The following FBXL7 variants were observed in gnomAD, a reference collection of about 807,000 sequenced individuals.
FBXL7 encodes F-box/LRR-repeat protein 7.
Under a neutral mutation model 38.3 loss-of-function variants are expected in FBXL7, and 12 were observed. That is an observed-to-expected ratio of 0.31 (90% confidence interval 0.20 to 0.51). The LOEUF is 0.51. Ranked by LOEUF, FBXL7 falls within the 20% of genes least tolerant of loss-of-function variation. The probability of loss-of-function intolerance (pLI) is 0.98; values close to 1 mark genes in which losing one functional copy is unlikely to be tolerated. For missense variants in FBXL7, 567 were observed against 676.4 expected (o/e 0.84, Z 1.79); for synonymous variants, 297 against 300.9 (o/e 0.99, Z 0.13).
rs567209034 is a variant in FBXL7 at position 15,548,089 on chromosome 5, C to G, written c.37+47376C>G. Among the ~76,000 whole-genome samples the G allele has an allele frequency of 2.0e-5, 3 of 152,256 alleles. No individual in the cohort carries two copies. In the South Asian group the frequency reaches 6.2e-4, roughly 32 times the overall value. Reference sequence around the variant, plus strand: ...AAGGATACTAGAAGCTCTTCTTTTCCTAAATCAACAATAGACTATCTTAGG... The same window carrying G: ...AAGGATACTAGAAGCTCTTCTTTTCGTAAATCAACAATAGACTATCTTAGG... On this transcript the variant is annotated intron_variant, in intron 1 of 3. Transcript: ENST00000504595.
At chr5:15,752,376 G>A (rs1247562863) in intron 2 of FBXL7, among the ~76,000 whole-genome samples, 1 of 152,180 alleles carries the variant, frequency 6.6e-6, no homozygotes, top group Non-Finnish European at 1.5e-5. Context: ...TCTATTTTCA[G>A]TGGACAGAGC....
chr5:15,638,262 G>A (rs759176976), intron 2 of FBXL7, among the ~76,000 whole-genome samples: 5 of 152,224 alleles, frequency 3.3e-5, no homozygotes, highest in Admixed American at 6.5e-5. Flanking sequence ...AGACTTTCAC[G>A]TGCAGTGGAG....
chr5:15,778,463 A>G (rs1736914110), intron 2 of FBXL7, among the ~76,000 whole-genome samples: 1 of 152,078 alleles, frequency 6.6e-6, no homozygotes, highest in Admixed American at 6.6e-5. Flanking sequence ...GAAAACAAAT[A>G]CTGTTGCCTA....
chr5:15,584,224 G>C (rs1434591396), intron 1 of FBXL7, among the ~76,000 whole-genome samples: 1 of 152,208 alleles, frequency 6.6e-6, no homozygotes, highest in East Asian at 1.9e-4. Context: ...TGCGGTGAAA[G>C]TCCTTGACCT....
intron 2 of FBXL7, among the ~76,000 whole-genome samples, chr5:15,891,174 CT>C (rs1740888829): frequency 6.6e-6 from 1 of 152,168 alleles, no homozygotes; most frequent in African/African-American, 2.4e-5. Context: ...CTTGCTAATT[CT>C]ACTGTAGGCA....
At chr5:15,540,695 TA>T (rs775595334) in intron 1 of FBXL7, among the ~76,000 whole-genome samples, 1 of 152,168 alleles carries the variant, frequency 6.6e-6, no homozygotes, top group Non-Finnish European at 1.5e-5. Context: ...GCTGAACGTC[TA>T]AGATCAGGGA....
intron 1 of FBXL7, among the ~76,000 whole-genome samples, chr5:15,538,989 C>G (rs112346316): frequency 0.04 from 6,093 of 152,204 alleles, 135 homozygotes; most frequent in Middle Eastern, 0.12. Flanking sequence ...GAAAAAACTT[C>G]TAGAAGATAA....
chr5:15,778,096 A>G (rs1736903528), intron 2 of FBXL7, among the ~76,000 whole-genome samples: 1 of 152,132 alleles, frequency 6.6e-6, no homozygotes, highest in Non-Finnish European at 1.5e-5. Context: ...CCTCTATTTT[A>G]TACCTCATTA....
At chr5:15,711,086 G>A (rs780680887) in intron 2 of FBXL7, among the ~76,000 whole-genome samples, 33 of 152,194 alleles carry the variant, frequency 2.2e-4, no homozygotes, top group Non-Finnish European at 3.8e-4. Context: ...CTGCTGCCAT[G>A]TGAGACGTGC....
At chr5:15,764,752 A>T (rs965438696) in intron 2 of FBXL7, among the ~76,000 whole-genome samples, 3 of 152,244 alleles carry the variant, frequency 2.0e-5, no homozygotes, top group African/African-American at 7.2e-5. Flanking sequence ...GGGAGCACTG[A>T]AATACAAACT....
At chr5:15,852,344 G>T (rs565860613) in intron 2 of FBXL7, among the ~76,000 whole-genome samples, 40 of 152,298 alleles carry the variant, frequency 2.6e-4, no homozygotes, top group Admixed American at 2.3e-3. Context: ...GTGGGAAATT[G>T]ATATATCTGC....
intron 2 of FBXL7, among the ~76,000 whole-genome samples, chr5:15,740,519 T>G (rs1735868531): frequency 6.6e-6 from 1 of 152,212 alleles, no homozygotes; most frequent in African/African-American, 2.4e-5. Flanking sequence ...AGTGTTTTCC[T>G]CTTTAAAATT....
At chr5:15,683,207 G>A (rs1367423355) in intron 2 of FBXL7, among the ~76,000 whole-genome samples, 1 of 152,148 alleles carries the variant, frequency 6.6e-6, no homozygotes, top group Non-Finnish European at 1.5e-5. Flanking sequence ...GTTTATTCAA[G>A]CCCTCAACTC....
chr5:15,766,453 A>G (rs918108651), intron 2 of FBXL7, among the ~76,000 whole-genome samples: 6 of 152,244 alleles, frequency 3.9e-5, no homozygotes, highest in African/African-American at 1.4e-4. Flanking sequence ...TGATTTAATT[A>G]GCTCTACAGA....
intron 1 of FBXL7, among the ~76,000 whole-genome samples, chr5:15,563,542 T>C: frequency 6.6e-6 from 1 of 152,032 alleles, no homozygotes; most frequent in East Asian, 1.9e-4. Context: ...TATTTCTCAC[T>C]CTCCTGTTTG....
At chr5:15,783,065 G>A (rs1737039604) in intron 2 of FBXL7, among the ~76,000 whole-genome samples, 1 of 152,128 alleles carries the variant, frequency 6.6e-6, no homozygotes, top group South Asian at 2.1e-4. Context: ...TATGAAATTT[G>A]GGGGTTTGAC....
intron 1 of FBXL7, among the ~76,000 whole-genome samples, chr5:15,553,017 G>A (rs1738126228): frequency 1.3e-5 from 2 of 152,098 alleles, no homozygotes; most frequent in South Asian, 4.1e-4. Flanking sequence ...TGGAGGTGGA[G>A]GTTGCAGTGA....
chr5:15,541,441 G>GTATATATATATATATA (rs35405191), intron 1 of FBXL7, among the ~76,000 whole-genome samples: 4 of 53,366 alleles, frequency 7.5e-5, no homozygotes, highest in African/African-American at 1.3e-4. Context: ...ATGTGTGTGT[G>GTATATATATATATATA]TGTATATATA....
chr5:15,906,416 T>C (rs144925076), intron 2 of FBXL7, among the ~76,000 whole-genome samples: 1 of 149,000 alleles, frequency 6.7e-6, no homozygotes, highest in East Asian at 2.0e-4. Flanking sequence ...AGAGCTATTT[T>C]ACATAGTTGA....
Sources: allele counts gnomAD v4.1 joint callset (sites outside exome capture counted in the v4.1 genomes callset), GRCh38; gene constraint gnomAD v4.1.1; transcripts MANE v1.5; gene names NCBI Gene and HGNC (gene_info 2026-07-23, HGNC 2026-07-21).